Variants in L3MBTL3 observed in about 807,000 individuals in gnomAD.
The protein encoded by L3MBTL3 is L3MBTL histone methyl-lysine binding protein 3, also known as lethal(3)malignant brain tumor-like protein 3.
A neutral mutation model predicts 102.3 loss-of-function variants in L3MBTL3; 27 were observed. That is an observed-to-expected ratio of 0.26 (90% CI 0.19 to 0.36). The LOEUF (loss-of-function observed/expected upper bound fraction) is 0.36. L3MBTL3 is among the 10% of genes least tolerant of loss of function. The probability of loss-of-function intolerance (pLI) is 1.00; values close to 1 mark genes in which losing one functional copy is unlikely to be tolerated. For synonymous variants in L3MBTL3, 340 were observed against 320.9 expected (o/e 1.06, Z -0.64); for missense variants, 798 against 955.3 (o/e 0.84, Z 2.17).
chr6:130,019,988 C>G (rs1167229911), intron 1 of L3MBTL3, among the ~76,000 whole-genome samples: 1 of 76,118 alleles, frequency 1.3e-5, no homozygotes, highest in Non-Finnish European at 2.4e-5. Flanking sequence ...GCGGCGGCGG[C>G]GGTCGCGGCG....
At chr6:130,054,609 T>C (rs1781342163) in intron 7 of L3MBTL3, among the ~76,000 whole-genome samples, 1 of 152,140 alleles carries the variant, frequency 6.6e-6, no homozygotes, top group African/African-American at 2.4e-5. Flanking sequence ...TTACTGAGAA[T>C]GGGAAGATGA....
intron 2 of L3MBTL3, among the ~76,000 whole-genome samples, chr6:130,030,583 C>CG (rs1230746839): frequency 7.2e-6 from 1 of 138,434 alleles, no homozygotes; most frequent in Non-Finnish European, 1.5e-5. Flanking sequence ...GGGAGAATGG[C>CG]GTGAACCTGG....
At chr6:130,139,212 TGAG>T (rs1788051255) in intron 22 of L3MBTL3, among the ~76,000 whole-genome samples, 2 of 152,158 alleles carry the variant, frequency 1.3e-5, no homozygotes, top group Non-Finnish European at 2.9e-5. Context: ...TATGTTTGCC[TGAG>T]TTATTTTATG....
intron 6 of L3MBTL3, among the ~76,000 whole-genome samples, chr6:130,052,448 T>TA (rs1781167199): frequency 6.6e-6 from 1 of 152,328 alleles, no homozygotes; most frequent in South Asian, 2.1e-4. Flanking sequence ...TTCACAATGT[T>TA]ACACTTAGCC....
chr6:130,081,660 C>T lies in L3MBTL3; in HGVS notation c.1322-1960C>T, dbSNP rs186229128. ...CAGGATGGTCTCAATCTCCTGACCTCGTGATCCACCTGCCTCAGCCTCCCA... is the reference window on the plus strand; with the variant it reads ...CAGGATGGTCTCAATCTCCTGACCTTGTGATCCACCTGCCTCAGCCTCCCA... On this transcript the variant is annotated intron_variant, in intron 14 of 22. Transcript: ENST00000361794. 4.2e-3 allele frequency among the ~76,000 whole-genome samples: 633 copies of T among 151,842 alleles called. 6 individuals carry two copies. Among genetic ancestry groups the T allele is most frequent in the Non-Finnish European group, 7.3e-3 (495 of 67,978 alleles).
chr6:130,112,842 A>T (rs972400459), intron 19 of L3MBTL3, among the ~76,000 whole-genome samples: 1 of 152,168 alleles, frequency 6.6e-6, no homozygotes, highest in Non-Finnish European at 1.5e-5. Flanking sequence ...CGTGGTCCTT[A>T]TAGACAGAAA....
At chr6:130,097,765 GTTATATA>G (rs535720087) in intron 18 of L3MBTL3, among the ~76,000 whole-genome samples, 62 of 152,196 alleles carry the variant, frequency 4.1e-4, no homozygotes, top group Admixed American at 4.0e-3. Flanking sequence ...AGGAAATAAA[GTTATATA>G]AAAGTAGACA....
intron 19 of L3MBTL3, among the ~76,000 whole-genome samples, chr6:130,117,201 C>T (rs1227204376): frequency 1.4e-5 from 2 of 138,428 alleles, no homozygotes; most frequent in Non-Finnish European, 3.1e-5. Context: ...CAATTCCCAC[C>T]TATGAGTGAG....
intron 2 of L3MBTL3, among the ~76,000 whole-genome samples, chr6:130,038,744 C>T (rs763368073): frequency 1.1e-4 from 16 of 152,028 alleles, no homozygotes; most frequent in Non-Finnish European, 2.2e-4. Flanking sequence ...TTGATTGTTT[C>T]CATTGCTGTG....
chr6:130,019,865 AGGGCGCG>A (rs976267972), intron 1 of L3MBTL3, among the ~76,000 whole-genome samples: 3 of 131,578 alleles, frequency 2.3e-5, no homozygotes, highest in Non-Finnish European at 3.3e-5. Flanking sequence ...CGCGCGGGAG[AGGGCGCG>A]GGCCGCGGGC....
rs190907280 is a variant in L3MBTL3 at position 130,092,467 on chromosome 6, A to G, written c.1519-278A>G. On this transcript the variant is annotated intron_variant, in intron 16 of 22. Transcript: ENST00000361794. ...AACAGTTCCTGTTCTCATGTTGCTCATGGTGTTGAGAAATACACATAATAT... is the reference window on the plus strand; with the variant it reads ...AACAGTTCCTGTTCTCATGTTGCTCGTGGTGTTGAGAAATACACATAATAT... Among the ~76,000 whole-genome samples the G allele has an allele frequency of 2.4e-4, 36 of 152,178 alleles. 1 individual carries two copies. The East Asian group carries it at 5.6e-3, about 24-fold the overall frequency.
chr6:130,068,857 A>C (rs182982842), intron 12 of L3MBTL3, among the ~76,000 whole-genome samples: 1 of 152,336 alleles, frequency 6.6e-6, no homozygotes, highest in East Asian at 1.9e-4. Context: ...TTTACAGTAA[A>C]CAAAAACAAA....
chr6:130,053,557 C>A (rs1781242097), intron 7 of L3MBTL3, among the ~76,000 whole-genome samples: 1 of 151,642 alleles, frequency 6.6e-6, no homozygotes, highest in Admixed American at 6.6e-5. Flanking sequence ...ATGGCGTGAA[C>A]CTGGGAGGTG....
In L3MBTL3 at chr6:130,104,576, G is replaced by A. The variant is rs1271445539; in HGVS notation, c.1886+1G>A. 1.3e-6 allele frequency: 2 copies of A among 1,556,192 alleles called. No individual in the cohort carries two copies. On this transcript the variant is annotated splice_donor_variant, in intron 19 of 22. Transcript: ENST00000361794. LOFTEE classifies it high-confidence loss of function. ...AAAGCTCTTCTTCCCCTGAAATCAGGTAATCAAAGAGCTAATATTAGCATT... is the reference window on the plus strand; with the variant it reads ...AAAGCTCTTCTTCCCCTGAAATCAGATAATCAAAGAGCTAATATTAGCATT...
Position 130,086,242 on chromosome 6 carries a change from C to A in L3MBTL3, c.1510C>A (p.Arg504=), listed in dbSNP as rs774303862. The part of the protein sequence containing the change: ...VATVADTDDH[R]VKVHFDGWNN... ...AACTGTGGCAGACACAGATGATCAC[C>A]GGGTAAAAGTAAGTGTTCTGTGTGG... Residue 504 remains arginine (R), a synonymous_variant, in exon 16 of 23, where the codon CGG becomes AGG. Transcript: ENST00000361794. 32 of 1,602,282 alleles carry A rather than the reference C, an allele frequency of 2.0e-5. No individual in the cohort carries two copies. In the Admixed American group the frequency reaches 4.4e-4, roughly 22 times the overall value.
At chr6:130,120,587 G>T (rs1162273033) in intron 19 of L3MBTL3, among the ~76,000 whole-genome samples, 2 of 152,140 alleles carry the variant, frequency 1.3e-5, no homozygotes, top group Admixed American at 1.3e-4. Flanking sequence ...ATGAATACAT[G>T]TCCCAAATTG....
intron 10 of L3MBTL3, among the ~76,000 whole-genome samples, chr6:130,064,740 G>A (rs1393895181): frequency 1.3e-5 from 2 of 152,126 alleles, no homozygotes; most frequent in Non-Finnish European, 2.9e-5. Context: ...TGAGAAGGAC[G>A]AGCTAGGTAT....
At chr6:130,114,891 G>A (rs187116018) in intron 19 of L3MBTL3, among the ~76,000 whole-genome samples, 9 of 152,202 alleles carry the variant, frequency 5.9e-5, no homozygotes, top group African/African-American at 2.2e-4. Flanking sequence ...TGATCTCCTT[G>A]ACCTGAAGCT....
chr6:130,035,613 C>T (rs1780008931), intron 2 of L3MBTL3, among the ~76,000 whole-genome samples: 1 of 152,196 alleles, frequency 6.6e-6, no homozygotes, highest in Non-Finnish European at 1.5e-5. Flanking sequence ...CTTCAGTAGT[C>T]ATCAGCTCCT....
Sources: allele counts gnomAD v4.1 joint callset (sites outside exome capture counted in the v4.1 genomes callset), GRCh38; gene constraint gnomAD v4.1.1; transcripts MANE v1.5; gene names NCBI Gene and HGNC (gene_info 2026-07-23, HGNC 2026-07-21).